PCBD2: variants seen among roughly 807,000 people sequenced by gnomAD.
PCBD2 encodes pterin-4-alpha-carbinolamine dehydratase 2.
In PCBD2, 12 loss-of-function variants were observed where a neutral mutation model predicts 16.4. The ratio of observed to expected loss-of-function variants is 0.73; its 90% CI spans 0.47 to 1.19. PCBD2 has a LOEUF of 1.19. Among genes scored for constraint, PCBD2 ranks in the 50% most tolerant of loss-of-function variants. The pLI, the probability that PCBD2 is intolerant of heterozygous loss-of-function variation, is 0.00. For synonymous variants in PCBD2, 58 were observed against 61.8 expected, an observed-to-expected ratio of 0.94 and a Z score of 0.29; for missense variants, 138 against 156.8, an observed-to-expected ratio of 0.88 and a Z score of 0.64.
At chr5:134,910,056 C>T (rs938214672) in intron 1 of PCBD2, among the ~76,000 whole-genome samples, 3 of 152,164 alleles carry the variant, frequency 2.0e-5, no homozygotes, top group Admixed American at 6.5e-5. Context: ...GGCGACAGAG[C>T]GAGACCCTGT....
At chr5:134,928,525 G>A (rs1751049941) in intron 2 of PCBD2, 1 of 285,536 alleles carries the variant, frequency 3.5e-6, no homozygotes, top group Non-Finnish European at 6.5e-6. Flanking sequence ...AGGGTAAAAG[G>A]AGTGAAGGGT....
At chr5:134,940,656 G>A (rs1751215637) in intron 2 of PCBD2, among the ~76,000 whole-genome samples, 1 of 152,118 alleles carries the variant, frequency 6.6e-6, no homozygotes, top group South Asian at 2.1e-4. Flanking sequence ...TTTCAGAGCA[G>A]TACTCTATTC....
At chr5:134,919,745 A>T (rs1750879985) in intron 2 of PCBD2, among the ~76,000 whole-genome samples, 1 of 152,228 alleles carries the variant, frequency 6.6e-6, no homozygotes, top group Admixed American at 6.5e-5. Flanking sequence ...AATTGAAAGG[A>T]GACCTTAAAT....
chr5:134,941,299 G>A (rs966504387), intron 2 of PCBD2, among the ~76,000 whole-genome samples: 1 of 152,130 alleles, frequency 6.6e-6, no homozygotes, highest in Non-Finnish European at 1.5e-5. Flanking sequence ...ACACTAGACT[G>A]TTAATACCTG....
chr5:134,931,858 A>T (rs1165749852), intron 2 of PCBD2, among the ~76,000 whole-genome samples: 1 of 152,210 alleles, frequency 6.6e-6, no homozygotes, highest in Non-Finnish European at 1.5e-5. Context: ...TTGAAGAAAA[A>T]GATTGCCAGC....
At chr5:134,945,947 G>A (rs1483595764) in intron 2 of PCBD2, among the ~76,000 whole-genome samples, 1 of 152,044 alleles carries the variant, frequency 6.6e-6, no homozygotes. Flanking sequence ...CAGGATATAA[G>A]GATACCACCC....
rs771760187 is a variant in PCBD2, at chr5:134,962,074, G to A, written c.*1393G>A. ...TTGCCCCCAGCCAGTATAACAGTTTGTGTGTGTGTGTGTGTGTGTGTGTGT... is the reference window on the plus strand; with the variant it reads ...TTGCCCCCAGCCAGTATAACAGTTTATGTGTGTGTGTGTGTGTGTGTGTGT... On this transcript the variant is annotated 3_prime_UTR_variant, in exon 4 of 4. Coordinates refer to ENST00000254908, the MANE Select transcript of PCBD2 (RefSeq NM_032151.5). Among the ~76,000 whole-genome samples the A allele has an allele frequency of 1.2e-4, 13 of 110,354 alleles. No homozygotes were observed. The highest frequency in any genetic ancestry group is 2.4e-4 in the Non-Finnish European group (12 of 49,400). 72.4% of individuals were successfully genotyped at this position (110,354 alleles called of 152,430 possible).
At chr5:134,947,577 C>T (rs1204815414) in intron 2 of PCBD2, among the ~76,000 whole-genome samples, 2 of 151,704 alleles carry the variant, frequency 1.3e-5, no homozygotes, top group Admixed American at 6.6e-5. Context: ...TTAGTAGAGA[C>T]AGGGTTTCAC....
chr5:134,936,307 C>A (rs993061490), intron 2 of PCBD2, among the ~76,000 whole-genome samples: 1 of 152,184 alleles, frequency 6.6e-6, no homozygotes, highest in Non-Finnish European at 1.5e-5. Context: ...CAGCCCCGGC[C>A]TCTCACACAG....
At chr5:134,917,878 CCTTA>C (rs888025218) in intron 2 of PCBD2, among the ~76,000 whole-genome samples, 15 of 151,498 alleles carry the variant, frequency 9.9e-5, no homozygotes. Flanking sequence ...ACTTTTGCTG[CCTTA>C]CTTTATAAAA....
intron 2 of PCBD2, among the ~76,000 whole-genome samples, chr5:134,955,609 A>G (rs1751406902): frequency 6.6e-6 from 1 of 152,152 alleles, no homozygotes; most frequent in South Asian, 2.1e-4. Context: ...CGCCCAGCCA[A>G]CAATGATCTT....
At chr5:134,912,899 T>C (rs2149530444) in intron 2 of PCBD2, among the ~76,000 whole-genome samples, 1 of 152,304 alleles carries the variant, frequency 6.6e-6, no homozygotes, top group South Asian at 2.1e-4. Context: ...CATTCATCTT[T>C]CATTTAGGAC....
At chr5:134,909,254 TTGTC>T (rs921581027) in intron 1 of PCBD2, among the ~76,000 whole-genome samples, 5 of 152,250 alleles carry the variant, frequency 3.3e-5, no homozygotes, top group African/African-American at 1.2e-4. Context: ...TGGAGAGAGT[TTGTC>T]TGACTGGTGC....
At chr5:134,958,971 T>C in intron 2 of PCBD2, 69 bp from the exon 3 acceptor site, 4 of 1,237,492 alleles carry the variant, frequency 3.2e-6, no homozygotes, top group East Asian at 2.3e-5. Context: ...GTTGGATTGC[T>C]CTGTTGTGTC....
chr5:134,958,336 C>T (rs186344912), intron 2 of PCBD2, among the ~76,000 whole-genome samples: 50 of 152,334 alleles, frequency 3.3e-4, no homozygotes, highest in Non-Finnish European at 5.4e-4. Context: ...GACAGAGCCC[C>T]GTCAGTCCAC....
At chr5:134,946,808 A>G (rs1003715798) in intron 2 of PCBD2, among the ~76,000 whole-genome samples, 2 of 152,222 alleles carry the variant, frequency 1.3e-5, no homozygotes, top group African/African-American at 4.8e-5. Context: ...CTTTCTGCCC[A>G]GAGCACTTGT....
chr5:134,919,499 A>C (rs529406556), intron 2 of PCBD2, among the ~76,000 whole-genome samples: 29 of 152,350 alleles, frequency 1.9e-4, no homozygotes, highest in Admixed American at 3.9e-4. Context: ...ATTTATGTAA[A>C]TTGCTTTCAT....
At chr5:134,925,085 T>C (rs78701048) in intron 2 of PCBD2, 2 of 396,082 alleles carry the variant, frequency 5.0e-6, no homozygotes, top group African/African-American at 4.1e-5. Context: ...AGGCTTCCGA[T>C]TGTTAGGCGT....
intron 2 of PCBD2, among the ~76,000 whole-genome samples, chr5:134,913,642 C>T (rs997080802): frequency 6.6e-6 from 1 of 152,152 alleles, no homozygotes; most frequent in Admixed American, 6.5e-5. Context: ...AAAAATCACC[C>T]TGGCTGTTCT....
Sources: allele counts gnomAD v4.1 joint callset (sites outside exome capture counted in the v4.1 genomes callset), GRCh38; gene constraint gnomAD v4.1.1; transcripts MANE v1.5; gene names NCBI Gene and HGNC (gene_info 2026-07-23, HGNC 2026-07-21).